C11orf42: variants seen among roughly 807,000 people sequenced by gnomAD.
C11orf42 encodes the protein chromosome 11 open reading frame 42, also known as uncharacterized protein C11orf42.
A neutral mutation model predicts 27.9 loss-of-function variants in C11orf42; 24 were observed. The observed-to-expected ratio is 0.86, with a 90% confidence interval of 0.62 to 1.21. The LOEUF (loss-of-function observed/expected upper bound fraction) is 1.21. Ranked by LOEUF, C11orf42 falls within the 50% of genes most tolerant of loss-of-function variation. The pLI is 0.00. For synonymous variants in C11orf42, 187 were observed against 180.8 expected (o/e 1.03, Z -0.28); for missense variants, 455 against 424.1 (o/e 1.07, Z -0.64).
chr11:6,210,857 AG>A lies in C11orf42; in HGVS notation c.872-48del, dbSNP rs199951133. 5.3e-6 allele frequency: 8 copies of A among 1,521,812 alleles called. No homozygotes were observed. Among genetic ancestry groups the A allele is most frequent in the East Asian group, 4.8e-5 (2 of 41,338 alleles). 94.3% of individuals were successfully genotyped at this position (1,521,812 alleles called of 1,614,324 possible). On this transcript the variant is annotated intron_variant, in intron 2 of 2. Transcript: ENST00000316375. The surrounding 1 kb of genome is among the most constrained non-coding windows in gnomAD (Gnocchi z 4.0). ...GCACAGAGGACCAGAGGGAAAAGCT[AG>A]GGGGGGAAAAGACCAGCCATGAGTC...
At chr11:6,206,166 T>C (rs1846977535) in intron 1 of C11orf42, among the ~76,000 whole-genome samples, 2 of 152,174 alleles carry the variant, frequency 1.3e-5, no homozygotes, top group Admixed American at 1.3e-4. Flanking sequence ...GAACAACTCA[T>C]ATTTGAGAAC....
intron 1 of C11orf42, among the ~76,000 whole-genome samples, chr11:6,208,645 T>TC (rs1847006389): frequency 6.6e-6 from 1 of 152,154 alleles, no homozygotes; most frequent in Non-Finnish European, 1.5e-5. Flanking sequence ...CAGGATGGTC[T>TC]CCAACTCCTG....
At chr11:6,205,783 CAAT>C (rs771003152) in intron 1 of C11orf42, 96 bp downstream of exon 1, 122 of 959,476 alleles carry the variant, frequency 1.3e-4, no homozygotes, top group Non-Finnish European at 1.8e-4. Flanking sequence ...AGTCTGAAAA[CAAT>C]AATAACCAAC....
Position 6,211,124 on chromosome 11 carries a change from T to C in C11orf42, c.*82T>C. The C allele has an allele frequency of 6.4e-7, 1 of 1,553,052 alleles. No individual in the cohort carries two copies. The highest frequency in any genetic ancestry group is 8.7e-7 in the Non-Finnish European group (1 of 1,148,676). ...GTCTCTAATAAACATCAGCTGCTGC[T>C]CCCCCAAACCATCCTGGGCCCATGC... On this transcript the variant is annotated 3_prime_UTR_variant, in exon 3 of 3. Transcript: ENST00000316375.
In C11orf42 at chr11:6,210,858, G is replaced by A. The variant is rs1459429635; in HGVS notation, c.872-54G>A. 19 of 1,510,890 alleles carry A rather than the reference G, an allele frequency of 1.3e-5. No individual in the cohort carries two copies. Among genetic ancestry groups the A allele is most frequent in the Admixed American group, 2.4e-5 (1 of 41,718 alleles). 93.6% of individuals were successfully genotyped at this position (1,510,890 alleles called of 1,614,324 possible). A position where few individuals can be genotyped will look rare whatever the true frequency, so the allele number is the denominator to read the frequency against. ...CACAGAGGACCAGAGGGAAAAGCTA[G>A]GGGGGGAAAAGACCAGCCATGAGTC... On this transcript the variant is annotated intron_variant, in intron 2 of 2. Transcript: ENST00000316375. This position sits in a 1 kb window ranked among gnomAD's most constrained non-coding sequence, Gnocchi z 4.0.
At chr11:6,209,821 T>A in intron 1 of C11orf42, 29 bp from the exon 2 acceptor site, 1 of 1,549,230 alleles carries the variant, frequency 6.5e-7, no homozygotes, top group Non-Finnish European at 8.7e-7. Context: ...TGACCCTAAG[T>A]CCCTGACCTA....
At chr11:6,209,401 T>C (rs570745148) in intron 1 of C11orf42, among the ~76,000 whole-genome samples, 54 of 152,204 alleles carry the variant, frequency 3.5e-4, no homozygotes, top group African/African-American at 1.3e-3. Context: ...ATTTGTAAAT[T>C]CAAGTTTTTT....
chr11:6,210,042 T>A lies in C11orf42; in HGVS notation c.265T>A (p.Ser89Thr), dbSNP rs779176498. 6.2e-7 allele frequency: 1 copy of A among 1,614,192 alleles called. No homozygotes were observed. Among genetic ancestry groups the A allele is most frequent in the East Asian group, 2.2e-5 (1 of 44,882 alleles). Residue 89 changes from serine to threonine, a missense_variant, in exon 2 of 3, where the codon TCT (serine) becomes ACT (threonine). Ser to Thr is a moderately conservative substitution (Grantham distance 58). Transcript: ENST00000316375. The surrounding 1 kb of genome is among the most constrained non-coding windows in gnomAD (Gnocchi z 4.0). The stretch of plus-strand genomic sequence containing the variant: ...ACCAAGCCTCCTGGAGCAGGCAGGA[T>A]CTGAGGGTGCCTTCGCCCACTGCAC... The part of the protein sequence containing the change: ...PLPSLLEQAG[S>T]EGAFAHCTRE...
Position 6,210,606 on chromosome 11 carries a change from A to G in C11orf42, c.829A>G (p.Lys277Glu), listed in dbSNP as rs188949781. The change falls in exon 2 of 3, where the codon AAG becomes GAG. Residue 277 changes from lysine to glutamate, a missense_variant. Coordinates refer to ENST00000316375, the MANE Select transcript of C11orf42 (RefSeq NM_173525.3). The surrounding 1 kb of genome is among the most constrained non-coding windows in gnomAD (Gnocchi z 4.0). Reference sequence around the variant, plus strand: ...GGACAAACCCACCAGATTCTCCTACAAGGGCCGAAACCCCTTCTGGAGGGG... The same window carrying G: ...GGACAAACCCACCAGATTCTCCTACGAGGGCCGAAACCCCTTCTGGAGGGG... ...PEDKPTRFSY[K>E]GRNPFWRGPQ... The G allele has an allele frequency of 5.7e-5, 92 of 1,614,040 alleles. No homozygotes were observed. In the East Asian group the frequency reaches 2.0e-3, roughly 35 times the overall value.
chr11:6,209,856 G>C lies in C11orf42; in HGVS notation c.79G>C (p.Glu27Gln), dbSNP rs776551071. Residue 27 changes from glutamate to glutamine, a missense_variant, in exon 2 of 3, where the codon GAG (glutamate) becomes CAG (glutamine). Transcript: ENST00000316375. ...TWTLIKDKVI[E>Q]EHFGPNAVAV... Reference sequence around the variant, plus strand: ...ATAAACTGGCCACCTGCAGGTCATCGAGGAGCACTTTGGGCCCAATGCAGT... The same window carrying C: ...ATAAACTGGCCACCTGCAGGTCATCCAGGAGCACTTTGGGCCCAATGCAGT... 6.3e-7 allele frequency: 1 copy of C among 1,581,468 alleles called. No individual in the cohort carries two copies. The highest frequency in any genetic ancestry group is 8.6e-7 in the Non-Finnish European group (1 of 1,156,432).
intron 1 of C11orf42, 98 bp from the exon 2 acceptor site, chr11:6,209,752 A>C: frequency 7.7e-5 from 91 of 1,176,032 alleles, no homozygotes; most frequent in Non-Finnish European, 9.8e-5. Flanking sequence ...AACACATTAT[A>C]GAGATGTAAC....
At position 6,210,569 on chromosome 11, in the gene C11orf42, G is replaced by A. The variant is rs1211080700; in HGVS notation, c.792G>A (p.Gln264=). The change falls in exon 2 of 3, where the codon CAG becomes CAA. Residue 264 remains glutamine, a synonymous_variant. Coordinates refer to ENST00000316375, the MANE Select transcript of C11orf42 (RefSeq NM_173525.3). The surrounding 1 kb of genome is among the most constrained non-coding windows in gnomAD (Gnocchi z 4.0). The stretch of plus-strand genomic sequence containing the variant: ...CAGCCCCACCTACGCCACCTCCCCA[G>A]GAAGGGCCAGAGGACAAACCCACCA... ...PVPAPPTPPP[Q]EGPEDKPTRF... The A allele has an allele frequency of 6.2e-7, 1 of 1,614,042 alleles. No individual in the cohort carries two copies. Among genetic ancestry groups the A allele is most frequent in the Admixed American group, 1.7e-5 (1 of 60,002 alleles).
chr11:6,210,981 G>A lies in C11orf42; in HGVS notation c.941G>A (p.Gly314Glu), dbSNP rs1847057143. 3 of 1,607,448 alleles carry A rather than the reference G, an allele frequency of 1.9e-6. No individual in the cohort carries two copies. The highest frequency in any genetic ancestry group is 2.5e-6 in the Non-Finnish European group (3 of 1,178,214). ...AQGGGPRDPD[G>E]HSMSLPLLQG... Reference sequence around the variant, plus strand: ...GGTGGGGGCCCCAGGGACCCCGACGGGCACTCCATGTCCCTGCCCCTGCTG... The same window carrying A: ...GGTGGGGGCCCCAGGGACCCCGACGAGCACTCCATGTCCCTGCCCCTGCTG... The change falls in exon 3 of 3, where the codon GGG becomes GAG. Residue 314 changes from glycine (G) to glutamate (E), a missense_variant. Gly to Glu is a moderately conservative substitution (Grantham distance 98, BLOSUM62 -2). Coordinates refer to ENST00000316375, the MANE Select transcript of C11orf42 (RefSeq NM_173525.3). This position sits in a 1 kb window ranked among gnomAD's most constrained non-coding sequence, Gnocchi z 4.0.
At chr11:6,209,351 A>AG (rs1342777647) in intron 1 of C11orf42, among the ~76,000 whole-genome samples, 2 of 152,052 alleles carry the variant, frequency 1.3e-5, no homozygotes, top group Non-Finnish European at 2.9e-5. Context: ...CATACATACC[A>AG]GCAATATAAA....
In C11orf42 at chr11:6,208,442, A is replaced by G. The variant is rs145079889; in HGVS notation, c.73-1408A>G. Among the ~76,000 whole-genome samples, 567 of 152,284 alleles carry G rather than the reference A, an allele frequency of 3.7e-3. 4 individuals are homozygous for G. Among genetic ancestry groups the G allele is most frequent in the African/African-American group, 0.013 (553 of 41,538 alleles). On this transcript the variant is annotated intron_variant, in intron 1 of 2. Transcript: ENST00000316375. ...AACCAGTCACCTAAGAAGAATCCTT[A>G]AAGATTCTTTTCTCTTTTTCTTGAG...
Position 6,210,632 on chromosome 11 carries a change from G to T in C11orf42, c.855G>T (p.Gly285=). 1 of 1,614,002 alleles carries T rather than the reference G, an allele frequency of 6.2e-7. No individual in the cohort carries two copies. The highest frequency in any genetic ancestry group is 1.7e-4 in the Middle Eastern group (1 of 6,026). The part of the protein sequence containing the change: ...SYKGRNPFWR[G]PQILSENWLF... ...AGGGCCGAAACCCCTTCTGGAGGGG[G>T]CCCCAGATACTGTCAGGTACTACTA... is the stretch of plus-strand genomic sequence containing the variant. Residue 285 remains glycine, a synonymous_variant, in exon 2 of 3, where the codon GGG becomes GGT. Transcript: ENST00000316375. This position sits in a 1 kb window ranked among gnomAD's most constrained non-coding sequence, Gnocchi z 4.0.
At chr11:6,206,429 C>T (rs1846979998) in intron 1 of C11orf42, among the ~76,000 whole-genome samples, 1 of 152,100 alleles carries the variant, frequency 6.6e-6, no homozygotes, top group African/African-American at 2.4e-5. Flanking sequence ...AGATATCCAA[C>T]AAATCCTACC....
At position 6,210,750 on chromosome 11, in the gene C11orf42, G is replaced by A. The variant is rs999221880; in HGVS notation, c.871+102G>A. The A allele has an allele frequency of 5.6e-6, 8 of 1,417,970 alleles. No individual in the cohort carries two copies. In the African/African-American group the frequency reaches 7.2e-5, roughly 13 times the overall value. The allele number at this position is 1,417,970 out of a possible 1,614,324, so 87.8% of individuals were successfully genotyped here. A position where few individuals can be genotyped will look rare whatever the true frequency, so the allele number is the denominator to read the frequency against. On this transcript the variant is annotated intron_variant, in intron 2 of 2. Transcript: ENST00000316375. This position sits in a 1 kb window ranked among gnomAD's most constrained non-coding sequence, Gnocchi z 4.0. ...TGTGAGGAATCCATTACTCAGCACAGGGCTCTGGTGAAAGAGATGGAATGA... is the reference window on the plus strand; with the variant it reads ...TGTGAGGAATCCATTACTCAGCACAAGGCTCTGGTGAAAGAGATGGAATGA...
At chr11:6,207,330 G>A (rs576155518) in intron 1 of C11orf42, among the ~76,000 whole-genome samples, 7 of 152,134 alleles carry the variant, frequency 4.6e-5, no homozygotes, top group African/African-American at 1.4e-4. Context: ...AGCGTATGGG[G>A]AATAAAGAGC....
Sources: allele counts gnomAD v4.1 joint callset (sites outside exome capture counted in the v4.1 genomes callset), GRCh38; gene constraint gnomAD v4.1.1; non-coding constraint Gnocchi (gnomAD v3.1); transcripts MANE v1.5; gene names NCBI Gene and HGNC (gene_info 2026-07-23, HGNC 2026-07-21).